Variants in TRANK1 observed in about 807,000 individuals in gnomAD.
The protein encoded by TRANK1 is tetratricopeptide repeat and ankyrin repeat containing 1, also known as TPR and ankyrin repeat-containing protein 1.
In TRANK1, 198 loss-of-function variants were observed where a neutral mutation model predicts 266.0. That is an observed-to-expected ratio of 0.74 (90% CI 0.66 to 0.84). The LOEUF is 0.84. TRANK1 is among the 40% of genes least tolerant of loss of function. TRANK1 has a pLI of 0.00. For synonymous variants in TRANK1, 1,396 were observed against 1,384.1 expected (o/e 1.01, Z -0.19); for missense variants, 3,326 against 3,634.6 (o/e 0.92, Z 2.18).
chr3:36,835,444 T>G (rs924856537), intron 20 of TRANK1, among the ~76,000 whole-genome samples: 2 of 151,190 alleles, frequency 1.3e-5, no homozygotes, highest in Non-Finnish European at 2.9e-5. Flanking sequence ...AAGCCCCAGG[T>G]AGATTAAAGA....
At chr3:36,897,004 A>C (rs2079801598) in intron 4 of TRANK1, among the ~76,000 whole-genome samples, 1 of 149,928 alleles carries the variant, frequency 6.7e-6, no homozygotes, top group South Asian at 2.1e-4. Context: ...CAAAAAAAAT[A>C]TAAAAGATGC....
chr3:36,855,763 T>A lies in TRANK1; in HGVS notation c.3959A>T (p.Tyr1320Phe). The A allele has an allele frequency of 6.2e-7, 1 of 1,613,752 alleles. No homozygotes were observed. Among genetic ancestry groups the A allele is most frequent in the South Asian group, 1.1e-5 (1 of 91,074 alleles). Residue 1320 changes from tyrosine (Y) to phenylalanine (F), a missense_variant, in exon 13 of 24, where the codon TAC (tyrosine) becomes TTC (phenylalanine). By Grantham distance (22) the Tyr-to-Phe change is conservative (BLOSUM62 3). Coordinates refer to ENST00000645898, the MANE Select transcript of TRANK1 (RefSeq NM_001329998.2). Reference sequence around the variant, plus strand: ...ATTTTTGAACACCTCAAACGTCACGTACACCCGGGGGTCACTGTCACCCGT... The same window carrying A: ...ATTTTTGAACACCTCAAACGTCACGAACACCCGGGGGTCACTGTCACCCGT... The part of the protein sequence containing the change: ...MRTGDSDPRV[Y>F]VTFEVFKNEI...
At chr3:36,939,091 C>T (rs186733791) in intron 1 of TRANK1, among the ~76,000 whole-genome samples, 28 of 152,028 alleles carry the variant, frequency 1.8e-4, no homozygotes, top group Admixed American at 1.5e-3. Flanking sequence ...GAGCTGAGAC[C>T]GCACCACTGT....
intron 8 of TRANK1, among the ~76,000 whole-genome samples, chr3:36,878,641 A>G (rs1327151273): frequency 6.6e-6 from 1 of 152,184 alleles, no homozygotes; most frequent in Non-Finnish European, 1.5e-5. Context: ...GGAGAGGATC[A>G]GAAAAAACAC....
At chr3:36,884,220 T>C (rs897961059) in intron 8 of TRANK1, among the ~76,000 whole-genome samples, 1 of 152,232 alleles carries the variant, frequency 6.6e-6, no homozygotes, top group Non-Finnish European at 1.5e-5. Context: ...CATCGGTTAG[T>C]GCACATACAT....
chr3:36,892,446 T>C, intron 6 of TRANK1, 106 bp from the exon 7 acceptor site: 2 of 1,356,704 alleles, frequency 1.5e-6, no homozygotes, highest in Non-Finnish European at 2.0e-6. Context: ...TTGGATTAGC[T>C]GTGGTCCAAG....
chr3:36,926,815 G>C (rs1443519686), intron 1 of TRANK1, among the ~76,000 whole-genome samples: 3 of 152,050 alleles, frequency 2.0e-5, no homozygotes, highest in Non-Finnish European at 4.4e-5. Flanking sequence ...GAGGAACAAG[G>C]GTCGAAACTG....
At chr3:36,909,734 A>G (rs2080024935) in intron 1 of TRANK1, among the ~76,000 whole-genome samples, 2 of 152,212 alleles carry the variant, frequency 1.3e-5, no homozygotes, top group African/African-American at 4.8e-5. Flanking sequence ...TATTTTAAAC[A>G]ATTTGACTTC....
At chr3:36,863,730 T>C (rs2079175142) in intron 10 of TRANK1, among the ~76,000 whole-genome samples, 1 of 152,224 alleles carries the variant, frequency 6.6e-6, no homozygotes, top group Admixed American at 6.5e-5. Context: ...GAAACAAGAC[T>C]TGAATGCTAA....
At chr3:36,866,591 T>C (rs1425047335) in intron 9 of TRANK1, among the ~76,000 whole-genome samples, 1 of 152,200 alleles carries the variant, frequency 6.6e-6, no homozygotes, top group African/African-American at 2.4e-5. Flanking sequence ...GAGTGGTCCC[T>C]GTGCAAGGCA....
At chr3:36,915,469 T>G (rs150639232) in intron 1 of TRANK1, among the ~76,000 whole-genome samples, 2 of 152,352 alleles carry the variant, frequency 1.3e-5, no homozygotes, top group Admixed American at 1.3e-4. Flanking sequence ...GATAAAGAAC[T>G]GTTTTTAATT....
At chr3:36,829,495 C>G (rs377511972) in intron 23 of TRANK1, 69 bp downstream of exon 23, 1 of 1,520,844 alleles carries the variant, frequency 6.6e-7, no homozygotes, top group African/African-American at 1.4e-5. Context: ...AGATTCCCCC[C>G]GGGAGCCAGC....
intron 3 of TRANK1, among the ~76,000 whole-genome samples, chr3:36,901,379 C>A (rs182155192): frequency 6.6e-6 from 1 of 152,282 alleles, no homozygotes; most frequent in Admixed American, 6.5e-5. Flanking sequence ...AAGATAGCCC[C>A]TTATCTTCCA....
rs138198488 is a variant in TRANK1, at chr3:36,900,851, C to CAAAA, written c.283-1596_283-1593dup. ...TGGGTGACAAAGCAAGACCCTGTCT[C>CAAAA]AAAAAAAAAAAAAAAAAAAAAAAAA... On this transcript the variant is annotated intron_variant, in intron 3 of 23. Transcript: ENST00000645898. 3.9e-3 allele frequency among the ~76,000 whole-genome samples: 245 copies of CAAAA among 62,964 alleles called. 18 individuals are homozygous for CAAAA. Among genetic ancestry groups the CAAAA allele is most frequent in the African/African-American group, 8.1e-3 (146 of 18,010 alleles). 41.3% of individuals were successfully genotyped at this position (62,964 alleles called of 152,430 possible). A position where few individuals can be genotyped will look rare whatever the true frequency, so the allele number is the denominator to read the frequency against.
At chr3:36,868,091 G>A (rs185353195) in intron 9 of TRANK1, among the ~76,000 whole-genome samples, 5 of 152,294 alleles carry the variant, frequency 3.3e-5, no homozygotes, top group African/African-American at 1.2e-4. Context: ...CTAAGCTGCC[G>A]GAATAAACTG....
intron 8 of TRANK1, among the ~76,000 whole-genome samples, chr3:36,879,653 T>C (rs1215198376): frequency 2.2e-5 from 2 of 92,330 alleles, no homozygotes; most frequent in Admixed American, 1.3e-4. Flanking sequence ...CAAATATATA[T>C]AAATATATAA....
At chr3:36,860,798 G>T in intron 11 of TRANK1, 108 bp downstream of exon 11, 1 of 1,442,616 alleles carries the variant, frequency 6.9e-7, no homozygotes, top group Non-Finnish European at 9.2e-7. Context: ...CAATGAGGGT[G>T]AACTTCATGG....
chr3:36,830,019 T>C (rs2078673501), intron 22 of TRANK1, among the ~76,000 whole-genome samples: 2 of 152,092 alleles, frequency 1.3e-5, no homozygotes, highest in African/African-American at 4.8e-5. Context: ...TTCTACATAG[T>C]GTTGATAAGA....
chr3:36,856,556 C>T lies in TRANK1; in HGVS notation c.3166G>A (p.Glu1056Lys). 2.4e-5 allele frequency: 38 copies of T among 1,613,994 alleles called. No homozygotes were observed. The highest frequency in any genetic ancestry group is 3.1e-5 in the Non-Finnish European group (37 of 1,179,886). ...ATVEYPFRVG[E>K]LEYAVIDLNP... ...AGGTCGATCACCGCGTACTCAAGCTCACCCACCCGGAAGGGGTACTCCACT... is the reference window on the plus strand; with the variant it reads ...AGGTCGATCACCGCGTACTCAAGCTTACCCACCCGGAAGGGGTACTCCACT... The change falls in exon 13 of 24, where the codon GAG (glutamate) becomes AAG (lysine). Residue 1056 changes from glutamate (E) to lysine (K), a missense_variant. By Grantham distance (56) the Glu-to-Lys change is moderately conservative (BLOSUM62 1). Transcript: ENST00000645898.
Sources: allele counts gnomAD v4.1 joint callset (sites outside exome capture counted in the v4.1 genomes callset), GRCh38; gene constraint gnomAD v4.1.1; transcripts MANE v1.5; gene names NCBI Gene and HGNC (gene_info 2026-07-23, HGNC 2026-07-21).